YTHDC2: variants seen among roughly 807,000 people sequenced by gnomAD.
The protein encoded by YTHDC2 is 3'-5' RNA helicase YTHDC2.
YTHDC2 carries 45 observed loss-of-function variants against 174.9 expected under a neutral mutation model. The ratio of observed to expected loss-of-function variants is 0.26; its 90% CI spans 0.20 to 0.33. YTHDC2 has a LOEUF of 0.33. Ranked by LOEUF, YTHDC2 falls within the 10% of genes least tolerant of loss-of-function variation. The pLI, the probability that YTHDC2 is intolerant of heterozygous loss-of-function variation, is 1.00. For missense variants in YTHDC2, 1,650 were observed against 1,723.7 expected (o/e 0.96, Z 0.76); for synonymous variants, 657 against 574.5 (o/e 1.14, Z -2.05).
At chr5:113,579,882 G>A in intron 24 of YTHDC2, 187 bp downstream of exon 24, 2 of 985,300 alleles carry the variant, frequency 2.0e-6, no homozygotes, top group Non-Finnish European at 2.4e-6. Context: ...CAGAGGACTT[G>A]GAAAACCTAG....
intron 2 of YTHDC2, among the ~76,000 whole-genome samples, chr5:113,518,187 G>A (rs1262616789): frequency 8.8e-6 from 1 of 113,288 alleles, no homozygotes; most frequent in Non-Finnish European, 1.7e-5. Context: ...TGCACCTGGC[G>A]TTTTTTTGTT....
intron 26 of YTHDC2, among the ~76,000 whole-genome samples, chr5:113,588,704 G>A (rs1474278274): frequency 1.3e-5 from 2 of 151,678 alleles, no homozygotes; most frequent in African/African-American, 4.8e-5. Flanking sequence ...CTCACTACAA[G>A]CTCAGCCTCC....
intron 2 of YTHDC2, among the ~76,000 whole-genome samples, chr5:113,524,497 G>A (rs553447266): frequency 6.6e-6 from 1 of 152,224 alleles, no homozygotes; most frequent in East Asian, 1.9e-4. Flanking sequence ...GTCCAACCAT[G>A]AAACTTGGCT....
In YTHDC2 at chr5:113,530,174, TATATC is replaced by T. The variant is rs1347308101; in HGVS notation, c.676-2703_676-2699del. Among the ~76,000 whole-genome samples, 7 of 152,346 alleles carry T rather than the reference TATATC, an allele frequency of 4.6e-5. No individual in the cohort carries two copies. In the East Asian group the frequency reaches 7.7e-4, roughly 17 times the overall value. On this transcript the variant is annotated intron_variant, in intron 4 of 29. Transcript: ENST00000161863. ...TCATCTGAAATTTATTTTATTGTAT[TATATC>T]AGGTAGGAATTTTACTTTTTCTTCA...
intron 1 of YTHDC2, chr5:113,514,378 C>G: frequency 1.6e-6 from 1 of 623,936 alleles, no homozygotes; most frequent in Non-Finnish European, 3.0e-6. Flanking sequence ...CACCGTGTTT[C>G]AGATATTGGT....
intron 12 of YTHDC2, among the ~76,000 whole-genome samples, chr5:113,551,924 A>G (rs1434034865): frequency 2.6e-5 from 4 of 152,152 alleles, no homozygotes; most frequent in Admixed American, 2.6e-4. Context: ...TTACATTTTT[A>G]CATATAAGAT....
intron 8 of YTHDC2, among the ~76,000 whole-genome samples, chr5:113,539,419 A>C (rs1010620710): frequency 1.3e-5 from 2 of 152,242 alleles, no homozygotes; most frequent in African/African-American, 4.8e-5. Flanking sequence ...GGAGGTGTCT[A>C]TATCCAAACA....
intron 11 of YTHDC2, 108 bp downstream of exon 11, chr5:113,548,775 C>T (rs1016678564): frequency 2.9e-5 from 37 of 1,270,082 alleles, no homozygotes; most frequent in Non-Finnish European, 2.2e-5. Context: ...GTAATAATTG[C>T]TGGTGAATTT....
At position 113,556,116 on chromosome 5, in the gene YTHDC2, C is replaced by G. The variant is rs927447539; in HGVS notation, c.2198C>G (p.Ala733Gly). 1 of 1,606,718 alleles carries G rather than the reference C, an allele frequency of 6.2e-7. No homozygotes were observed. Among genetic ancestry groups the G allele is most frequent in the Non-Finnish European group, 8.5e-7 (1 of 1,174,932 alleles). Residue 733 changes from alanine to glycine, a missense_variant, in exon 17 of 30, where the codon GCC (alanine) becomes GGC (glycine). Transcript: ENST00000161863. ...ATGGTATGGATTTCCAAAGCTAGTG[C>G]CATACAGCGGAAAGGCAGGTAATGT... ...LKMVWISKASAIQRKGRAGRC... is the reference protein window; with the variant it reads ...LKMVWISKASGIQRKGRAGRC...
In YTHDC2 at chr5:113,564,098, C is replaced by G. The variant is rs1266741300; in HGVS notation, c.2682C>G (p.Phe894Leu). 1 of 1,613,996 alleles carries G rather than the reference C, an allele frequency of 6.2e-7. No individual in the cohort carries two copies. The highest frequency in any genetic ancestry group is 1.3e-5 in the African/African-American group (1 of 74,922). The change falls in exon 20 of 30, where the codon TTC becomes TTG. Residue 894 changes from phenylalanine to leucine, a missense_variant. By Grantham distance (22) the Phe-to-Leu change is conservative (BLOSUM62 0). Transcript: ENST00000161863. ...GGAAACGTTTTACTGCAGGAGCTTTCAGTGACCATATGGCACTTCTCAGAG... is the reference window on the plus strand; with the variant it reads ...GGAAACGTTTTACTGCAGGAGCTTTGAGTGACCATATGGCACTTCTCAGAG... ...LCRKRFTAGAFSDHMALLRAF... is the reference protein window; with the variant it reads ...LCRKRFTAGALSDHMALLRAF...
intron 23 of YTHDC2, among the ~76,000 whole-genome samples, chr5:113,579,041 C>T (rs1778236085): frequency 2.0e-5 from 3 of 151,862 alleles, no homozygotes. Flanking sequence ...ATTAAATTTA[C>T]AGAGGGTTAT....
At chr5:113,544,911 G>A (rs904584538) in intron 10 of YTHDC2, among the ~76,000 whole-genome samples, 2 of 151,844 alleles carry the variant, frequency 1.3e-5, no homozygotes, top group East Asian at 1.9e-4. Flanking sequence ...CAACCCCATT[G>A]TCATATTGAT....
chr5:113,579,959 G>T (rs1378010784), intron 24 of YTHDC2: 1 of 978,428 alleles, frequency 1.0e-6, no homozygotes. Context: ...AATTTATAAA[G>T]AACAGAAATT....
In YTHDC2 at chr5:113,535,807, A is replaced by C; in HGVS notation, c.1102+9A>C. The C allele has an allele frequency of 6.4e-7, 1 of 1,557,850 alleles. No homozygotes were observed. The highest frequency in any genetic ancestry group is 8.7e-7 in the Non-Finnish European group (1 of 1,151,274). ...TTGTCCAGTGATATATAGTAAGTTA[A>C]ATTGTCAGATTTCTTCTATAATTTT... On this transcript the variant is annotated intron_variant, in intron 7 of 29. Transcript: ENST00000161863.
chr5:113,529,661 T>C (rs929987261), intron 4 of YTHDC2, among the ~76,000 whole-genome samples: 8 of 152,162 alleles, frequency 5.3e-5, no homozygotes, highest in Admixed American at 5.2e-4. Context: ...TTATCTTCTA[T>C]GAGTTCCTTA....
intron 13 of YTHDC2, 22 bp downstream of exon 13, chr5:113,553,381 G>A: frequency 6.3e-7 from 1 of 1,575,362 alleles, no homozygotes; most frequent in Non-Finnish European, 8.6e-7. Flanking sequence ...TTGTCTAAAA[G>A]AACTGGAGCA....
intron 4 of YTHDC2, among the ~76,000 whole-genome samples, chr5:113,529,454 C>G (rs888585879): frequency 2.0e-5 from 3 of 152,156 alleles, no homozygotes; most frequent in African/African-American, 7.2e-5. Flanking sequence ...GCTAGATTCA[C>G]TGGTTATTGT....
intron 16 of YTHDC2, among the ~76,000 whole-genome samples, chr5:113,555,199 GTTAC>G (rs1580569444): frequency 6.6e-6 from 1 of 151,938 alleles, no homozygotes; most frequent in East Asian, 1.9e-4. Context: ...TCCTTTAGGT[GTTAC>G]TTATTTATTA....
At chr5:113,544,103 T>G (rs1404847910) in intron 10 of YTHDC2, among the ~76,000 whole-genome samples, 1 of 152,206 alleles carries the variant, frequency 6.6e-6, no homozygotes, top group Non-Finnish European at 1.5e-5. Context: ...TCACCAGAGA[T>G]TCATCGTTTA....
Sources: gnomAD v4.1 joint callset for allele counts (sites outside exome capture counted in the v4.1 genomes callset) on GRCh38, gnomAD v4.1.1 for gene constraint, MANE v1.5 for transcripts, NCBI Gene and HGNC (gene_info 2026-07-23, HGNC 2026-07-21) for gene names.